TCIRG1: variants seen among roughly 807,000 people sequenced by gnomAD.
TCIRG1 encodes T cell immune regulator 1, ATPase H+ transporting V0 subunit a3.
Under a neutral mutation model 95.5 loss-of-function variants are expected in TCIRG1, and 86 were observed. The ratio of observed to expected loss-of-function variants is 0.90; its 90% CI spans 0.76 to 1.08. The LOEUF is 1.08. Among genes scored for constraint, TCIRG1 ranks in the 50% least tolerant of loss-of-function variants. TCIRG1 has a pLI of 0.00. For synonymous variants in TCIRG1, 499 were observed against 501.3 expected, an observed-to-expected ratio of 1.00 and a Z score of 0.06; for missense variants, 1,069 against 1,140.2, an observed-to-expected ratio of 0.94 and a Z score of 0.90.
intron 13 of TCIRG1, chr11:68,048,199 T>C (rs1000724351): frequency 9.6e-6 from 6 of 625,096 alleles, no homozygotes; most frequent in Middle Eastern, 4.2e-4. Flanking sequence ...GTCTCCTGAG[T>C]GTGCAGAGGC....
At position 68,042,644 on chromosome 11, in the gene TCIRG1, C is replaced by G; in HGVS notation, c.198C>G (p.Thr66=). ...RRCEELEKTF[T]FLQEEVRRAG... ...CCACTCCCGTTCCTCTGCGCCCAGC[C>G]TTCCTGCAGGAGGAGGTGCGGCGGG... The change falls in exon 4 of 20, where the codon ACC becomes ACG. Residue 66 remains threonine, a splice_region_variant and synonymous_variant. Transcript: ENST00000265686. The G allele has an allele frequency of 6.5e-7, 1 of 1,547,470 alleles. No individual in the cohort carries two copies. Among genetic ancestry groups the G allele is most frequent in the Non-Finnish European group, 8.7e-7 (1 of 1,146,394 alleles).
At position 68,049,200 on chromosome 11, in the gene TCIRG1, C is replaced by G. The variant is rs1188086312; in HGVS notation, c.1793C>G (p.Ala598Gly). ...VIYKWLCVWA[A>G]RAASAPSILI... ...TACAAGTGGCTGTGTGTCTGGGCTG[C>G]CAGGGCCGCCTCGGCCCCCAGCATC... The change falls in exon 15 of 20, where the codon GCC becomes GGC. Residue 598 changes from alanine to glycine, a missense_variant. Coordinates refer to ENST00000265686, the MANE Select transcript of TCIRG1 (RefSeq NM_006019.4). The G allele has an allele frequency of 6.2e-7, 1 of 1,613,846 alleles. No homozygotes were observed.
chr11:68,043,738 C>A, intron 7 of TCIRG1, 76 bp from the exon 8 acceptor site: 1 of 1,534,914 alleles, frequency 6.5e-7, no homozygotes, highest in East Asian at 2.4e-5. Context: ...GTGACTCCTC[C>A]CCATGAGCTC....
In TCIRG1 at chr11:68,043,624, C is replaced by T. The variant is rs545196166; in HGVS notation, c.684C>T (p.Ile228=). Residue 228 remains isoleucine (I), a synonymous_variant, in exon 7 of 20, where the codon ATC becomes ATT. Coordinates refer to ENST00000265686, the MANE Select transcript of TCIRG1 (RefSeq NM_006019.4). ...TCATCTCCTACTGGGGTGAGCAGAT[C>T]GGACAGAAGATCCGCAAGATCACGG... ...TFLISYWGEQ[I]GQKIRKITDC... 3.7e-6 allele frequency: 6 copies of T among 1,611,234 alleles called. No individual in the cohort carries two copies. The highest frequency in any genetic ancestry group is 3.3e-5 in the Admixed American group (2 of 59,826).
Position 68,043,810 on chromosome 11 carries a change from C to T in TCIRG1, c.714-4C>T. ...GCCCCTCACGCAGCGCATCCTCCCT[C>T]CAGCTTCCACTGCCACGTCTTCCCG... On this transcript the variant is annotated splice_region_variant and splice_polypyrimidine_tract_variant and intron_variant, in intron 7 of 19. Coordinates refer to ENST00000265686, the MANE Select transcript of TCIRG1 (RefSeq NM_006019.4). The T allele has an allele frequency of 6.4e-7, 1 of 1,560,362 alleles. No homozygotes were observed.
intron 13 of TCIRG1, 48 bp downstream of exon 13, chr11:68,048,020 TG>T: frequency 6.5e-7 from 1 of 1,529,856 alleles, no homozygotes; most frequent in Non-Finnish European, 9.1e-7. Flanking sequence ...CAGCTGGGAG[TG>T]GGGGCTGGGG....
In TCIRG1 at chr11:68,049,980, T is replaced by C. The variant is rs1855713371; in HGVS notation, c.2032T>C (p.Leu678=). Residue 678 remains leucine (L), a synonymous_variant, in exon 17 of 20, where the codon TTG becomes CTG. Coordinates refer to ENST00000265686, the MANE Select transcript of TCIRG1 (RefSeq NM_006019.4). Reference sequence around the variant, plus strand: ...GCCCCAGGAGGAAAACAAGGCCGGGTTGCTGGACCTGCCTGACGCATCTGT... The same window carrying C: ...GCCCCAGGAGGAAAACAAGGCCGGGCTGCTGGACCTGCCTGACGCATCTGT... ...ADRQEENKAG[L]LDLPDASVNG... 6.2e-7 allele frequency: 1 copy of C among 1,612,042 alleles called. No individual in the cohort carries two copies. Among genetic ancestry groups the C allele is most frequent in the Non-Finnish European group, 8.5e-7 (1 of 1,179,696 alleles).
At chr11:68,046,478 T>C (rs1163953675) in intron 10 of TCIRG1, among the ~76,000 whole-genome samples, 1 of 152,200 alleles carries the variant, frequency 6.6e-6, no homozygotes. Context: ...TCTCCTTCTA[T>C]GTGGGTCCAA....
In TCIRG1 at chr11:68,050,009, T is replaced by G. The variant is rs1272321760; in HGVS notation, c.2061T>G (p.Asn687Lys). 1 of 1,613,232 alleles carries G rather than the reference T, an allele frequency of 6.2e-7. No individual in the cohort carries two copies. The highest frequency in any genetic ancestry group is 1.1e-5 in the South Asian group (1 of 91,070). Reference protein sequence around the residue: ...GLLDLPDASVNGWSSDEEKAG... With the variant: ...GLLDLPDASVKGWSSDEEKAG... ...TGGACCTGCCTGACGCATCTGTGAA[T>G]GGCTGGAGCTCCGATGAGGAAAAGG... Residue 687 changes from asparagine to lysine, a missense_variant, in exon 17 of 20, where the codon AAT becomes AAG. Asn to Lys is a moderately conservative substitution (Grantham distance 94). Coordinates refer to ENST00000265686, the MANE Select transcript of TCIRG1 (RefSeq NM_006019.4).
At chr11:68,043,321 G>T (rs777893653) in intron 5 of TCIRG1, 50 bp from the exon 6 acceptor site, 20 of 1,527,912 alleles carry the variant, frequency 1.3e-5, no homozygotes, top group Admixed American at 4.0e-5. Flanking sequence ...CCTGGTGGGG[G>T]AGGCAGGGCA....
intron 3 of TCIRG1, among the ~76,000 whole-genome samples, chr11:68,042,162 C>T (rs1309832566): frequency 1.3e-5 from 2 of 151,868 alleles, no homozygotes; most frequent in African/African-American, 4.8e-5. Flanking sequence ...TTCTCCTCTA[C>T]AGCTGGGCTG....
chr11:68,047,481 G>T lies in TCIRG1; in HGVS notation c.1214G>T (p.Gly405Val), dbSNP rs745990776. 2 of 1,614,038 alleles carry T rather than the reference G, an allele frequency of 1.2e-6. No individual in the cohort carries two copies. Residue 405 changes from glycine (G) to valine (V), a missense_variant, in exon 11 of 20, where the codon GGG becomes GTG. Transcript: ENST00000265686. ...CCCTTCCTGTTTGCTGTGATGTTCG[G>T]GGATGTGGGCCACGGGCTGCTCATG... The part of the protein sequence containing the change: ...TFPFLFAVMF[G>V]DVGHGLLMFL...
intron 15 of TCIRG1, 91 bp downstream of exon 15, chr11:68,049,385 A>C: frequency 7.3e-7 from 1 of 1,362,400 alleles, no homozygotes; most frequent in Non-Finnish European, 1.0e-6. Flanking sequence ...TCCTCGTCCG[A>C]GAAACGGGGA....
chr11:68,047,360 C>G, intron 10 of TCIRG1, 73 bp from the exon 11 acceptor site: 1 of 1,561,818 alleles, frequency 6.4e-7, no homozygotes, highest in Admixed American at 1.7e-5. Flanking sequence ...AGCAGGGCCT[C>G]CGTGGCGTCT....
rs1481288287 is a variant in TCIRG1, at chr11:68,048,988, T to C, written c.1664T>C (p.Phe555Ser). Residue 555 changes from phenylalanine to serine, a missense_variant, in exon 14 of 20, where the codon TTC becomes TCC. Physicochemically the swap from Phe to Ser is radical, Grantham distance 155 (BLOSUM62 -2). Transcript: ENST00000265686. ...GCCTTTGGGGTGGTCCTCGGAGTCTTCAACCACGTGTGAGGGCCAAGGCTG... is the reference window on the plus strand; with the variant it reads ...GCCTTTGGGGTGGTCCTCGGAGTCTCCAACCACGTGTGAGGGCCAAGGCTG... ...HMAFGVVLGVFNHVHFGQRHR... is the reference protein window; with the variant it reads ...HMAFGVVLGVSNHVHFGQRHR... 1.9e-6 allele frequency: 3 copies of C among 1,613,556 alleles called. No individual in the cohort carries two copies. The highest frequency in any genetic ancestry group is 2.5e-6 in the Non-Finnish European group (3 of 1,179,972).
At chr11:68,047,851 G>A (rs751846111) in intron 12 of TCIRG1, 31 bp from the exon 13 acceptor site, 1 of 1,613,050 alleles carries the variant, frequency 6.2e-7, no homozygotes, top group Non-Finnish European at 8.5e-7. Context: ...AGCACCCGCA[G>A]CCCTGACCGC....
At position 68,043,653 on chromosome 11, in the gene TCIRG1, G is replaced by C; in HGVS notation, c.713G>C (p.Cys238Ser). The part of the protein sequence containing the change: ...IGQKIRKITD[C>S]FHCHVFPFLQ... ...CAGAAGATCCGCAAGATCACGGACT[G>C]GTGAGTCACTGGGAACACCCGCCCC... Residue 238 changes from cysteine (C) to serine (S), a missense_variant and splice_region_variant, in exon 7 of 20, where the codon TGC becomes TCC. Cys to Ser is a moderately radical substitution (Grantham distance 112, BLOSUM62 -1). Transcript: ENST00000265686. 2 of 1,607,018 alleles carry C rather than the reference G, an allele frequency of 1.2e-6. No individual in the cohort carries two copies. The highest frequency in any genetic ancestry group is 1.7e-4 in the Middle Eastern group (1 of 6,052).
intron 2 of TCIRG1, 62 bp from the exon 3 acceptor site, chr11:68,041,691 T>C (rs1251785048): frequency 7.1e-7 from 1 of 1,403,012 alleles, no homozygotes; most frequent in Non-Finnish European, 9.9e-7. Flanking sequence ...GCCTGGGCTC[T>C]AGGGTGAGGA....
chr11:68,052,671 G>A (rs1323446913), downstream of TCIRG1, among the ~76,000 whole-genome samples: 1 of 152,078 alleles, frequency 6.6e-6, no homozygotes, highest in Non-Finnish European at 1.5e-5. Flanking sequence ...AGTGTGCTGG[G>A]GAAGAAGAGG....
Sources: gnomAD v4.1 joint callset for allele counts (sites outside exome capture counted in the v4.1 genomes callset) on GRCh38, gnomAD v4.1.1 for gene constraint, MANE v1.5 for transcripts, NCBI Gene and HGNC (gene_info 2026-07-23, HGNC 2026-07-21) for gene names.